The following CCDC73 variants were observed in gnomAD, a reference collection of about 807,000 sequenced individuals.
The protein encoded by CCDC73 is coiled-coil domain-containing protein 73.
CCDC73 carries 95 observed loss-of-function variants against 116.5 expected under a neutral mutation model. The observed-to-expected ratio is 0.82, with a 90% CI of 0.69 to 0.97. The LOEUF (loss-of-function observed/expected upper bound fraction) is 0.97, where lower values mean the gene tolerates loss of function less well. Among genes scored for constraint, CCDC73 ranks in the 50% least tolerant of loss-of-function variants. The pLI is 0.00. For missense variants in CCDC73, 1,066 were observed against 1,206.8 expected (o/e 0.88, Z 1.73); for synonymous variants, 398 against 401.3 (o/e 0.99, Z 0.10).
At chr11:32,721,228 T>C (rs1363011417) in intron 2 of CCDC73, among the ~76,000 whole-genome samples, 1 of 152,170 alleles carries the variant, frequency 6.6e-6, no homozygotes, top group East Asian at 1.9e-4. Flanking sequence ...TTTTACCATG[T>C]TGGCCAGGCT....
chr11:32,807,086 G>A, the CCDC73 span, among the ~76,000 whole-genome samples: 4 of 152,154 alleles, frequency 2.6e-5, no homozygotes, highest in South Asian at 2.1e-4. Flanking sequence ...AGGAGGTAAC[G>A]ATTGGTCAGC....
At chr11:32,813,005 A>G in the CCDC73 span, among the ~76,000 whole-genome samples, 1 of 152,214 alleles carries the variant, frequency 6.6e-6, no homozygotes, top group Admixed American at 6.5e-5. Flanking sequence ...GCATGTTTTT[A>G]TATATTTATT....
At chr11:32,621,121 C>T (rs569759490) in intron 14 of CCDC73, among the ~76,000 whole-genome samples, 33 of 152,230 alleles carry the variant, frequency 2.2e-4, no homozygotes, top group Non-Finnish European at 4.3e-4. Flanking sequence ...AGATTCAATG[C>T]TATTCCCATC....
At chr11:32,662,761 C>T (rs924093991) in intron 9 of CCDC73, among the ~76,000 whole-genome samples, 1 of 152,036 alleles carries the variant, frequency 6.6e-6, no homozygotes, top group Non-Finnish European at 1.5e-5. Context: ...AAGTCCTTGC[C>T]CATGCCTATG....
At chr11:32,648,964 G>A (rs979613197) in intron 12 of CCDC73, among the ~76,000 whole-genome samples, 2 of 152,166 alleles carry the variant, frequency 1.3e-5, no homozygotes, top group Non-Finnish European at 2.9e-5. Context: ...AACAGAGAGA[G>A]CTGATCTAGC....
intron 1 of CCDC73, among the ~76,000 whole-genome samples, chr11:32,761,596 G>A (rs961438586): frequency 6.6e-6 from 1 of 152,094 alleles, no homozygotes; most frequent in Non-Finnish European, 1.5e-5. Flanking sequence ...ATTTCCACCA[G>A]CATTTGCTGT....
At chr11:32,820,617 GTTAAGT>G in the CCDC73 span, among the ~76,000 whole-genome samples, 1 of 152,144 alleles carries the variant, frequency 6.6e-6, no homozygotes, top group Non-Finnish European at 1.5e-5. Context: ...ATAATCTCTT[GTTAAGT>G]TTAAGAACAG....
intron 2 of CCDC73, among the ~76,000 whole-genome samples, chr11:32,735,742 C>T (rs1334905184): frequency 6.6e-6 from 1 of 152,172 alleles, no homozygotes; most frequent in Non-Finnish European, 1.5e-5. Flanking sequence ...AGGCATCACG[C>T]TACCTGACTT....
intron 2 of CCDC73, among the ~76,000 whole-genome samples, chr11:32,742,659 A>G (rs1850198533): frequency 1.3e-5 from 2 of 152,166 alleles, no homozygotes; most frequent in African/African-American, 2.4e-5. Flanking sequence ...CTTTAGTTTA[A>G]TTAGATCCCA....
chr11:32,817,419 T>G, the CCDC73 span, among the ~76,000 whole-genome samples: 2 of 152,222 alleles, frequency 1.3e-5, no homozygotes, highest in African/African-American at 2.4e-5. Flanking sequence ...ACCAGTAGAC[T>G]ATTTGAGTAT....
intron 14 of CCDC73, among the ~76,000 whole-genome samples, chr11:32,621,731 C>T (rs529634289): frequency 2.0e-5 from 3 of 152,128 alleles, no homozygotes; most frequent in Non-Finnish European, 2.9e-5. Context: ...AGGCAACCTA[C>T]GGAATGGGAG....
chr11:32,696,797 T>C (rs1856314997), intron 6 of CCDC73, among the ~76,000 whole-genome samples: 1 of 152,026 alleles, frequency 6.6e-6, no homozygotes, highest in South Asian at 2.1e-4. Context: ...ATCTTTCTCA[T>C]ACAGTTATGT....
intron 1 of CCDC73, among the ~76,000 whole-genome samples, chr11:32,768,115 A>T (rs993430930): frequency 6.6e-5 from 10 of 152,254 alleles, no homozygotes; most frequent in African/African-American, 2.4e-4. Context: ...AATGTGGCAC[A>T]TATACACCAT....
chr11:32,807,010 G>A, the CCDC73 span, among the ~76,000 whole-genome samples: 1 of 152,208 alleles, frequency 6.6e-6, no homozygotes, highest in Non-Finnish European at 1.5e-5. Flanking sequence ...TGCTTCTAGT[G>A]AGCAAGAGCA....
intron 3 of CCDC73, among the ~76,000 whole-genome samples, chr11:32,715,679 A>G (rs78797508): frequency 0.03 from 4,542 of 152,276 alleles, 86 homozygotes; most frequent in Non-Finnish European, 0.039. Context: ...AATATAACAG[A>G]GATATTCAGA....
the CCDC73 span, among the ~76,000 whole-genome samples, chr11:32,822,326 A>G: frequency 2.6e-5 from 4 of 152,308 alleles, no homozygotes; most frequent in South Asian, 8.3e-4. Context: ...GCTTGCTCAC[A>G]AGGGTATCCT....
intron 13 of CCDC73, among the ~76,000 whole-genome samples, chr11:32,638,260 T>C (rs1485169722): frequency 6.6e-6 from 1 of 152,200 alleles, no homozygotes; most frequent in Non-Finnish European, 1.5e-5. Context: ...CAAGAATTAT[T>C]TTTCTAAAAC....
intron 14 of CCDC73, among the ~76,000 whole-genome samples, chr11:32,634,191 C>A (rs184103450): frequency 6.6e-6 from 1 of 151,972 alleles, no homozygotes; most frequent in African/African-American, 2.4e-5. Context: ...TTACTCTTGA[C>A]GCAAAAACCA....
chr11:32,780,989 C>G (rs1850578247), intron 1 of CCDC73, among the ~76,000 whole-genome samples: 1 of 151,948 alleles, frequency 6.6e-6, no homozygotes, highest in Non-Finnish European at 1.5e-5. Context: ...TTAAAAGTTA[C>G]CCAGGTGTGG....
Sources: gnomAD v4.1 joint callset for allele counts (sites outside exome capture counted in the v4.1 genomes callset) on GRCh38, gnomAD v4.1.1 for gene constraint, MANE v1.5 for transcripts, NCBI Gene and HGNC (gene_info 2026-07-23, HGNC 2026-07-21) for gene names.